CCDC141: variants seen among roughly 807,000 people sequenced by gnomAD.
The protein encoded by CCDC141 is coiled-coil domain containing 141, also known as coiled-coil domain-containing protein 141.
CCDC141 carries 168 observed loss-of-function variants against 181.0 expected under a neutral mutation model. The observed-to-expected ratio is 0.93, with a 90% confidence interval of 0.82 to 1.05. CCDC141 has a LOEUF of 1.05. Among genes scored for constraint, CCDC141 ranks in the 50% least tolerant of loss-of-function variants. CCDC141 has a pLI of 0.00. For synonymous variants in CCDC141, 666 were observed against 642.3 expected (o/e 1.04, Z -0.56); for missense variants, 1,902 against 1,788.5 (o/e 1.06, Z -1.14).
chr2:178,860,087 T>A (rs976444643), intron 17 of CCDC141, among the ~76,000 whole-genome samples: 1 of 152,204 alleles, frequency 6.6e-6, no homozygotes, highest in Non-Finnish European at 1.5e-5. Context: ...AAATGACTGG[T>A]CAATCTCCAC....
intron 2 of CCDC141, among the ~76,000 whole-genome samples, chr2:178,987,449 A>G (rs997311832): frequency 8.9e-4 from 136 of 152,274 alleles, no homozygotes; most frequent in Non-Finnish European, 1.7e-3. Flanking sequence ...AATGGCAACA[A>G]AAGCCAAAAT....
chr2:178,887,060 G>A (rs1419964590), intron 9 of CCDC141, among the ~76,000 whole-genome samples, 189 bp from the exon 10 acceptor site: 1 of 152,074 alleles, frequency 6.6e-6, no homozygotes, highest in Non-Finnish European at 1.5e-5. Context: ...CTTCATAGGA[G>A]GTAATACTTG....
chr2:178,895,753 C>T (rs1283915842), intron 8 of CCDC141, among the ~76,000 whole-genome samples: 1 of 152,144 alleles, frequency 6.6e-6, no homozygotes, highest in Non-Finnish European at 1.5e-5. Flanking sequence ...CATTTACCAT[C>T]TAAATGCATC....
chr2:178,905,535 CT>C (rs768958651), intron 7 of CCDC141, 34 bp from the exon 8 acceptor site: 2 of 1,523,632 alleles, frequency 1.3e-6, no homozygotes, highest in Non-Finnish European at 1.8e-6. Context: ...TTTTCTGCTT[CT>C]CTAGTTTAAA....
intron 2 of CCDC141, among the ~76,000 whole-genome samples, chr2:179,011,564 A>G (rs916442940): frequency 1.3e-5 from 2 of 152,202 alleles, no homozygotes; most frequent in Non-Finnish European, 2.9e-5. Context: ...TAGACAGATC[A>G]TCAAGACAGA....
chr2:178,933,106 A>G (rs1212242728), intron 6 of CCDC141, among the ~76,000 whole-genome samples: 1 of 152,206 alleles, frequency 6.6e-6, no homozygotes, highest in Non-Finnish European at 1.5e-5. Context: ...ATCGGATTAG[A>G]TGATGAATTG....
chr2:178,916,133 AGAACAG>A (rs1688437336), intron 7 of CCDC141, among the ~76,000 whole-genome samples: 1 of 152,202 alleles, frequency 6.6e-6, no homozygotes, highest in Non-Finnish European at 1.5e-5. Context: ...ACTTCCTCTA[AGAACAG>A]GAATGTTCAC....
chr2:178,844,444 G>A (rs1684851557), intron 22 of CCDC141, among the ~76,000 whole-genome samples: 1 of 152,172 alleles, frequency 6.6e-6, no homozygotes, highest in Admixed American at 6.5e-5. Flanking sequence ...TGCTGTGGTT[G>A]AGAAACCCTG....
chr2:178,894,362 G>A (rs1200116166), intron 8 of CCDC141, among the ~76,000 whole-genome samples: 1 of 152,046 alleles, frequency 6.6e-6, no homozygotes, highest in Admixed American at 6.6e-5. Flanking sequence ...CTCCAAATGA[G>A]AGTGCAATCC....
intron 2 of CCDC141, among the ~76,000 whole-genome samples, chr2:179,011,074 C>G (rs891112937): frequency 6.6e-6 from 1 of 152,034 alleles, no homozygotes; most frequent in Non-Finnish European, 1.5e-5. Context: ...AGGAGAATCA[C>G]TTGAACCTGG....
intron 2 of CCDC141, among the ~76,000 whole-genome samples, chr2:179,004,794 G>A (rs547177321): frequency 1.3e-5 from 2 of 152,196 alleles, no homozygotes; most frequent in Admixed American, 6.5e-5. Context: ...GCAGTGGCAC[G>A]ATCTTGGCTA....
chr2:178,878,937 A>G lies in CCDC141; in HGVS notation c.1720-794T>C, dbSNP rs151132100. ...GCCAGTGAAAGATTATTAGTAAATC[A>G]CAATTTACTTCTAATCAGCAATAAA... On this transcript the variant is annotated intron_variant, in intron 11 of 23. Transcript: ENST00000443758. 4.6e-5 allele frequency among the ~76,000 whole-genome samples: 7 copies of G among 152,338 alleles called. No homozygotes were observed. In the East Asian group the frequency reaches 1.3e-3, roughly 29 times the overall value.
chr2:178,980,211 A>T (rs1691308298), intron 2 of CCDC141, among the ~76,000 whole-genome samples: 1 of 152,174 alleles, frequency 6.6e-6, no homozygotes. Context: ...ATACGCTGGG[A>T]GACCGAGGCG....
chr2:178,862,481 A>G (rs1366076262), intron 17 of CCDC141, among the ~76,000 whole-genome samples: 1 of 152,236 alleles, frequency 6.6e-6, no homozygotes, highest in Non-Finnish European at 1.5e-5. Context: ...CTAAATGTGG[A>G]TGTGTAAAGA....
rs1684546795 is a variant in CCDC141 at position 178,837,683 on chromosome 2, TGTG to T, written c.3533_3535del (p.Pro1178del). On this transcript the variant is annotated inframe_deletion, in exon 23 of 24. Transcript: ENST00000443758. ...CTTGTCAGTGGACACCTTCAGGTCT[TGTG>T]GTAGTCGCTCTTCCCCTGTTCCATT... The T allele has an allele frequency of 1.9e-6, 3 of 1,613,884 alleles. No individual in the cohort carries two copies. Among genetic ancestry groups the T allele is most frequent in the Non-Finnish European group, 2.5e-6 (3 of 1,179,912 alleles).
At chr2:178,858,095 T>C (rs1685461594) in intron 17 of CCDC141, among the ~76,000 whole-genome samples, 1 of 152,096 alleles carries the variant, frequency 6.6e-6, no homozygotes, top group Admixed American at 6.5e-5. Context: ...TGTTGAACAT[T>C]ACTTTAAGTT....
intron 2 of CCDC141, among the ~76,000 whole-genome samples, chr2:179,030,956 T>C (rs1202567263): frequency 6.6e-6 from 1 of 152,052 alleles, no homozygotes; most frequent in African/African-American, 2.4e-5. Flanking sequence ...AAATGAACTA[T>C]TTTCATTCCC....
At chr2:178,979,027 T>C (rs770184381) in intron 2 of CCDC141, among the ~76,000 whole-genome samples, 5 of 152,140 alleles carry the variant, frequency 3.3e-5, no homozygotes, top group Non-Finnish European at 7.4e-5. Flanking sequence ...TGAAGAGTGA[T>C]CAAGAATAAA....
chr2:178,958,040 A>G (rs1418588698), intron 5 of CCDC141, among the ~76,000 whole-genome samples: 1 of 152,258 alleles, frequency 6.6e-6, no homozygotes, highest in Admixed American at 6.5e-5. Context: ...AAAAACGCCA[A>G]TCTGAAAAGT....
Sources: allele counts gnomAD v4.1 joint callset (sites outside exome capture counted in the v4.1 genomes callset), GRCh38; gene constraint gnomAD v4.1.1; transcripts MANE v1.5; gene names NCBI Gene and HGNC (gene_info 2026-07-23, HGNC 2026-07-21).